The following GRID1 variants were observed in gnomAD, a reference collection of about 807,000 sequenced individuals.
The protein encoded by GRID1 is glutamate ionotropic receptor delta type subunit 1, also known as glutamate receptor ionotropic, delta-1.
A neutral mutation model predicts 98.0 loss-of-function variants in GRID1; 28 were observed. That is an observed-to-expected ratio of 0.29 (90% CI 0.21 to 0.39). The LOEUF (loss-of-function observed/expected upper bound fraction) is 0.39. Ranked by LOEUF, GRID1 falls within the 10% of genes least tolerant of loss-of-function variation. GRID1 has a pLI of 1.00. For synonymous variants in GRID1, 553 were observed against 538.5 expected (o/e 1.03, Z -0.37); for missense variants, 1,111 against 1,340.5 (o/e 0.83, Z 2.67).
intron 3 of GRID1, among the ~76,000 whole-genome samples, chr10:86,157,408 G>A (rs539675992): frequency 4.8e-4 from 73 of 152,348 alleles, no homozygotes; most frequent in Admixed American, 7.8e-4. Context: ...GGCATTTCCA[G>A]TAAGCAGGGT....
chr10:86,043,692 T>C (rs1221272596), intron 4 of GRID1, among the ~76,000 whole-genome samples: 4 of 152,262 alleles, frequency 2.6e-5, no homozygotes, highest in Admixed American at 1.3e-4. Flanking sequence ...GTACAATGCA[T>C]CATAAATAAT....
At position 86,003,026 on chromosome 10, in the gene GRID1, A is replaced by C. The variant is rs17106138; in HGVS notation, c.727-86787T>G. Among the ~76,000 whole-genome samples the C allele has an allele frequency of 1.1e-3, 164 of 152,350 alleles. 3 individuals carry two copies. The East Asian group carries it at 0.029, about 27-fold the overall frequency. On this transcript the variant is annotated intron_variant, in intron 4 of 15. Transcript: ENST00000327946. ...CTCCAGCTAGTTTGATTCATTGCAC[A>C]AGTCAACAGCAAACCCACAAGAGCA...
At chr10:86,351,907 G>T (rs148027759) in intron 2 of GRID1, among the ~76,000 whole-genome samples, 1 of 152,246 alleles carries the variant, frequency 6.6e-6, no homozygotes, top group Non-Finnish European at 1.5e-5. Context: ...AGCCCATTAA[G>T]TGGGGGCACC....
At chr10:86,302,154 G>C (rs1564733359) in intron 2 of GRID1, among the ~76,000 whole-genome samples, 2 of 152,218 alleles carry the variant, frequency 1.3e-5, no homozygotes, top group Non-Finnish European at 2.9e-5. Flanking sequence ...GTCACAGCCA[G>C]GTGAGGTCTC....
intron 15 of GRID1, chr10:85,606,129 G>C (rs1292669542): frequency 6.6e-6 from 1 of 152,216 alleles, no homozygotes; most frequent in Non-Finnish European, 1.5e-5. Context: ...TCTGAAGAAA[G>C]AGCTTGACTA....
intron 8 of GRID1, among the ~76,000 whole-genome samples, chr10:85,770,428 C>A (rs958148694): frequency 1.3e-5 from 2 of 152,174 alleles, no homozygotes; most frequent in Non-Finnish European, 2.9e-5. Context: ...CTCTCCTCCT[C>A]CAAAGGAATG....
In GRID1 at chr10:85,756,634, G is replaced by GCA. The variant is rs1209762488; in HGVS notation, c.1234-27022_1234-27021dup. 7.9e-5 allele frequency among the ~76,000 whole-genome samples: 12 copies of GCA among 152,294 alleles called. No homozygotes were observed. In the East Asian group the frequency reaches 2.3e-3, roughly 29 times the overall value. ...AGACTTCATCACGTTACTTAAAACA[G>GCA]CACTGCAGTCTAAAACTTACAAATT... On this transcript the variant is annotated intron_variant, in intron 8 of 15. Coordinates refer to ENST00000327946, the MANE Select transcript of GRID1 (RefSeq NM_017551.3).
chr10:85,677,734 C>T (rs563903118), intron 12 of GRID1, among the ~76,000 whole-genome samples: 8 of 152,142 alleles, frequency 5.3e-5, no homozygotes, highest in South Asian at 2.1e-4. Context: ...GTCTCCCCTA[C>T]GAAGTAGTGT....
chr10:86,319,902 C>T (rs1847946826), intron 2 of GRID1, among the ~76,000 whole-genome samples: 1 of 152,232 alleles, frequency 6.6e-6, no homozygotes, highest in Non-Finnish European at 1.5e-5. Flanking sequence ...GTACCAGGAG[C>T]TCCCTAGCTC....
At position 86,333,711 on chromosome 10, in the gene GRID1, T is replaced by C. The variant is rs147303587; in HGVS notation, c.235+30230A>G. ...TTGAATGTATTATATACTGTATTCT[T>C]ACAATAAACTAGAGAAAAGAATCAT... On this transcript the variant is annotated intron_variant, in intron 2 of 15. Coordinates refer to ENST00000327946, the MANE Select transcript of GRID1 (RefSeq NM_017551.3). Among the ~76,000 whole-genome samples, 385 of 152,344 alleles carry C rather than the reference T, an allele frequency of 2.5e-3. 1 individual carries two copies. The highest frequency in any genetic ancestry group is 5.0e-3 in the South Asian group (24 of 4,832).
intron 5 of GRID1, among the ~76,000 whole-genome samples, chr10:85,876,473 G>A (rs1234202782): frequency 6.6e-6 from 1 of 151,962 alleles, no homozygotes. Context: ...CAAGATAATC[G>A]CCCCATCTCA....
chr10:86,040,326 A>C (rs568510676), intron 4 of GRID1, among the ~76,000 whole-genome samples: 5 of 152,322 alleles, frequency 3.3e-5, no homozygotes, highest in Admixed American at 2.0e-4. Context: ...CACAATAGTC[A>C]AGATAAACTT....
intron 4 of GRID1, among the ~76,000 whole-genome samples, chr10:85,990,836 G>A (rs1466223689): frequency 5.3e-5 from 8 of 152,198 alleles, no homozygotes; most frequent in Middle Eastern, 3.4e-3. Context: ...TTAGACAATC[G>A]GAAACCAATA....
chr10:86,127,850 T>C (rs1359159222), intron 4 of GRID1, among the ~76,000 whole-genome samples: 3 of 152,078 alleles, frequency 2.0e-5, no homozygotes, highest in Non-Finnish European at 4.4e-5. Context: ...CAGCCCCAGA[T>C]TGGTTCTACA....
At chr10:86,010,255 A>C (rs1381423353) in intron 4 of GRID1, among the ~76,000 whole-genome samples, 2 of 152,228 alleles carry the variant, frequency 1.3e-5, no homozygotes, top group Non-Finnish European at 2.9e-5. Context: ...AATTCATTAG[A>C]CAAATATCCA....
At chr10:86,167,895 G>A (rs1054190054) in intron 3 of GRID1, among the ~76,000 whole-genome samples, 1 of 152,142 alleles carries the variant, frequency 6.6e-6, no homozygotes, top group Non-Finnish European at 1.5e-5. Flanking sequence ...CCAGAGGCAA[G>A]CAGTTGTGAC....
At position 85,790,563 on chromosome 10, in the gene GRID1, A is replaced by G. The variant is rs1842469045; in HGVS notation, c.1234-60949T>C. ...GAGTGGGGGGAAGGGTGTGGAGTTC[A>G]GGCCATGTCAGTATGGGGCACCAGG... On this transcript the variant is annotated intron_variant, in intron 8 of 15. Coordinates refer to ENST00000327946, the MANE Select transcript of GRID1 (RefSeq NM_017551.3). 3.9e-5 allele frequency among the ~76,000 whole-genome samples: 6 copies of G among 152,274 alleles called. No homozygotes were observed. In the South Asian group the frequency reaches 1.2e-3, roughly 32 times the overall value.
At chr10:86,349,620 TG>T (rs1848436038) in intron 2 of GRID1, among the ~76,000 whole-genome samples, 1 of 152,248 alleles carries the variant, frequency 6.6e-6, no homozygotes, top group African/African-American at 2.4e-5. Flanking sequence ...GTGCAGAAGC[TG>T]ACCAGGAGGG....
At chr10:85,835,971 A>C (rs1842908712) in intron 8 of GRID1, among the ~76,000 whole-genome samples, 2 of 152,196 alleles carry the variant, frequency 1.3e-5, no homozygotes, top group South Asian at 4.1e-4. Flanking sequence ...AAATTCTTAG[A>C]AAATATATAG....
Sources: allele counts gnomAD v4.1 joint callset (sites outside exome capture counted in the v4.1 genomes callset), GRCh38; gene constraint gnomAD v4.1.1; transcripts MANE v1.5; gene names NCBI Gene and HGNC (gene_info 2026-07-23, HGNC 2026-07-21).